The following KIAA1614 variants were observed in gnomAD, a reference collection of about 807,000 sequenced individuals.
KIAA1614 encodes uncharacterized protein KIAA1614.
Under a neutral mutation model 88.7 loss-of-function variants are expected in KIAA1614, and 76 were observed. The ratio of observed to expected loss-of-function variants is 0.86; its 90% CI spans 0.71 to 1.04. The LOEUF (loss-of-function observed/expected upper bound fraction) is 1.04. Ranked by LOEUF, KIAA1614 falls within the 50% of genes least tolerant of loss-of-function variation. The pLI is 0.00. For missense variants in KIAA1614, 1,553 were observed against 1,582.5 expected (o/e 0.98, Z 0.32); for synonymous variants, 714 against 675.5 (o/e 1.06, Z -0.88).
At position 180,928,434 on chromosome 1, in the gene KIAA1614, G is replaced by T. The variant is rs374332282; in HGVS notation, c.1066G>T (p.Val356Phe). ...GGCCTGTGTGCCACGCTGCAGGACC[G>T]TTGGTCCCAACCCGGAGCCTGTGCT... The part of the protein sequence containing the change: ...SLQDSGQNRT[V>F]GPNPEPVLSP... The change falls in exon 4 of 9, where the codon GTT becomes TTT. Residue 356 changes from valine to phenylalanine, a missense_variant. Val to Phe is a conservative substitution (Grantham distance 50, BLOSUM62 -1). Coordinates refer to ENST00000367588, the MANE Select transcript of KIAA1614 (RefSeq NM_020950.2). 1.9e-6 allele frequency: 3 copies of T among 1,611,378 alleles called. No homozygotes were observed. The highest frequency in any genetic ancestry group is 2.5e-6 in the Non-Finnish European group (3 of 1,178,750).
intron 3 of KIAA1614, among the ~76,000 whole-genome samples, chr1:180,923,913 A>G (rs1013294095): frequency 3.3e-5 from 5 of 151,388 alleles, no homozygotes; most frequent in Admixed American, 1.3e-4. Flanking sequence ...ATCCTGCCCC[A>G]CTGATATACA....
intron 1 of KIAA1614, among the ~76,000 whole-genome samples, chr1:180,915,932 C>A (rs1006088496): frequency 4.6e-5 from 7 of 152,178 alleles, no homozygotes; most frequent in African/African-American, 1.7e-4. Flanking sequence ...AACCATTCCA[C>A]CGCACCCCGC....
chr1:180,916,998 A>G lies in KIAA1614; in HGVS notation c.895A>G (p.Arg299Gly). 1.9e-6 allele frequency: 3 copies of G among 1,614,044 alleles called. No homozygotes were observed. Among genetic ancestry groups the G allele is most frequent in the East Asian group, 4.5e-5 (2 of 44,878 alleles). Residue 299 changes from arginine to glycine, a missense_variant, in exon 2 of 9, where the codon AGA becomes GGA. Transcript: ENST00000367588. The stretch of plus-strand genomic sequence containing the variant: ...CTTGTCCCTGTCTGATCGGGTGGAG[A>G]GAAACCGCCTGTTGCTGCAGGAGAT... ...SVLSLSDRVE[R>G]NRLLLQEMLN...
Position 180,936,549 on chromosome 1 carries a change from C to T in KIAA1614, c.2640C>T (p.Asn880=). The change falls in exon 5 of 9, where the codon AAC becomes AAT. Residue 880 remains asparagine, a synonymous_variant. Transcript: ENST00000367588. ...CACTGCTGGCCCTGTCCACCAACAACTGCAACAACAGCGCACCTCGGGGGC... is the reference window on the plus strand; with the variant it reads ...CACTGCTGGCCCTGTCCACCAACAATTGCAACAACAGCGCACCTCGGGGGC... The part of the protein sequence containing the change: ...RHPLLALSTN[N]CNNSAPRGLQ... 1 of 1,614,066 alleles carries T rather than the reference C, an allele frequency of 6.2e-7. No individual in the cohort carries two copies. Among genetic ancestry groups the T allele is most frequent in the Admixed American group, 1.7e-5 (1 of 60,016 alleles).
chr1:180,926,963 G>A (rs1654083487), intron 3 of KIAA1614, among the ~76,000 whole-genome samples: 1 of 152,226 alleles, frequency 6.6e-6, no homozygotes. Context: ...CACAGGCACA[G>A]ATGGTGCCTT....
chr1:180,940,554 G>A (rs1205099636), intron 6 of KIAA1614, among the ~76,000 whole-genome samples: 1 of 152,132 alleles, frequency 6.6e-6, no homozygotes, highest in Non-Finnish European at 1.5e-5. Flanking sequence ...TCTGAGCTGA[G>A]TATTATGGCG....
chr1:180,914,161 G>C (rs895830648), intron 1 of KIAA1614: 3 of 151,900 alleles, frequency 2.0e-5, no homozygotes, highest in Admixed American at 2.0e-4. Context: ...CTTCAAGGGG[G>C]GGGGGACATC....
At position 180,917,871 on chromosome 1, in the gene KIAA1614, G is replaced by A. The variant is rs778528622; in HGVS notation, c.1018G>A (p.Asp340Asn). ...CCTAGAGCGACCAGTGGGGGATGTG[G>A]ACTGGGCCTCGGGCACCTCCTTGCA... ...AAPERPVGDVDWASGTSLQDS... is the reference protein window; with the variant it reads ...AAPERPVGDVNWASGTSLQDS... The change falls in exon 3 of 9, where the codon GAC becomes AAC. Residue 340 changes from aspartate (D) to asparagine (N), a missense_variant. Coordinates refer to ENST00000367588, the MANE Select transcript of KIAA1614 (RefSeq NM_020950.2). The A allele has an allele frequency of 7.4e-6, 12 of 1,613,992 alleles. No individual in the cohort carries two copies. Among genetic ancestry groups the A allele is most frequent in the South Asian group, 6.6e-5 (6 of 91,068 alleles).
intron 3 of KIAA1614, among the ~76,000 whole-genome samples, chr1:180,923,562 C>T (rs908562832): frequency 2.0e-5 from 3 of 152,214 alleles, no homozygotes; most frequent in Admixed American, 6.5e-5. Flanking sequence ...TGCCCTGCAC[C>T]GGCTGCAGCC....
At chr1:180,914,154 CA>C (rs111918018) in intron 1 of KIAA1614, 14 of 107,888 alleles carry the variant, frequency 1.3e-4, no homozygotes, top group East Asian at 4.5e-4. Context: ...AAGTTTACTT[CA>C]AGGGGGGGGG....
intron 6 of KIAA1614, 39 bp from the exon 7 acceptor site, chr1:180,941,006 G>GGGCGCCCC: frequency 2.2e-6 from 2 of 908,444 alleles, no homozygotes; most frequent in Non-Finnish European, 3.1e-6. Context: ...CACCCTCCCG[G>GGGCGCCCC]CCCTCCCCCG....
intron 3 of KIAA1614, among the ~76,000 whole-genome samples, chr1:180,926,474 G>A (rs1444561374): frequency 3.2e-5 from 4 of 126,894 alleles, no homozygotes; most frequent in Admixed American, 7.9e-5. Flanking sequence ...CAGCTGATGA[G>A]AAAAAAAAAA....
intron 8 of KIAA1614, 76 bp downstream of exon 8, chr1:180,944,592 C>G (rs1264795352): frequency 6.6e-7 from 1 of 1,507,956 alleles, no homozygotes; most frequent in African/African-American, 1.4e-5. Flanking sequence ...CTCCTTCCTG[C>G]CTCAGCATCA....
chr1:180,944,441 C>G lies in KIAA1614; in HGVS notation c.3212C>G (p.Ser1071Cys). ...RKAASFQNLH[S>C]LLSSKGNRSS... Reference sequence around the variant, plus strand: ...GCTGCCTCTTTTCAGAACCTCCATTCTCTGCTGAGCAGCAAGGGGAACCGG... The same window carrying G: ...GCTGCCTCTTTTCAGAACCTCCATTGTCTGCTGAGCAGCAAGGGGAACCGG... Residue 1071 changes from serine to cysteine, a missense_variant, in exon 8 of 9, where the codon TCT becomes TGT. Coordinates refer to ENST00000367588, the MANE Select transcript of KIAA1614 (RefSeq NM_020950.2). The G allele has an allele frequency of 1.9e-6, 3 of 1,614,016 alleles. No individual in the cohort carries two copies. Among genetic ancestry groups the G allele is most frequent in the Non-Finnish European group, 2.5e-6 (3 of 1,179,890 alleles).
At position 180,945,359 on chromosome 1, in the gene KIAA1614, G is replaced by A; in HGVS notation, c.3344G>A (p.Ser1115Asn). 1 of 1,597,158 alleles carries A rather than the reference G, an allele frequency of 6.3e-7. No individual in the cohort carries two copies. The highest frequency in any genetic ancestry group is 8.5e-7 in the Non-Finnish European group (1 of 1,175,350). ...ALSVEDVGAP[S>N]LARTVGRLVE... ...AGTGTGGAGGACGTGGGTGCTCCCAGCCTGGCTCGCACCGTGGGCCGCCTG... is the reference window on the plus strand; with the variant it reads ...AGTGTGGAGGACGTGGGTGCTCCCAACCTGGCTCGCACCGTGGGCCGCCTG... The change falls in exon 9 of 9, where the codon AGC becomes AAC. Residue 1115 changes from serine (S) to asparagine (N), a missense_variant. Physicochemically the swap from Ser to Asn is conservative, Grantham distance 46. Transcript: ENST00000367588.
rs761750753 is a variant in KIAA1614, at chr1:180,916,658, G to A, written c.555G>A (p.Pro185=). The A allele has an allele frequency of 3.7e-6, 6 of 1,600,490 alleles. No homozygotes were observed. The highest frequency in any genetic ancestry group is 3.4e-5 in the South Asian group (3 of 89,330). The change falls in exon 2 of 9, where the codon CCG becomes CCA. Residue 185 remains proline (P), a synonymous_variant. Transcript: ENST00000367588. ...GTGAGTACTGCAACAGGGGGAGCCC[G>A]TGGCCTCCAGAAGCCGAATGGACAC... ...PGREYCNRGS[P]WPPEAEWTLP...
At chr1:180,917,167 G>A in intron 2 of KIAA1614, 67 bp downstream of exon 2, 4 of 1,286,854 alleles carry the variant, frequency 3.1e-6, no homozygotes, top group African/African-American at 2.9e-5. Flanking sequence ...AGGAAAAGGG[G>A]ACGAGGGGGT....
intron 3 of KIAA1614, among the ~76,000 whole-genome samples, chr1:180,924,886 A>AAATAATAATAATAATAATAAT (rs10522338): frequency 0.28 from 39,922 of 142,346 alleles, 6,357 homozygotes; most frequent in East Asian, 0.49. Flanking sequence ...GCTAATGATA[A>AAATAATAATAATAATAATAAT]AATAATAATA....
chr1:180,933,696 G>A (rs1023073356), intron 4 of KIAA1614, among the ~76,000 whole-genome samples: 9 of 152,160 alleles, frequency 5.9e-5, no homozygotes, highest in African/African-American at 2.2e-4. Context: ...CCGGAACTGA[G>A]CAGGACTTGA....
Sources: gnomAD v4.1 joint callset for allele counts (sites outside exome capture counted in the v4.1 genomes callset) on GRCh38, gnomAD v4.1.1 for gene constraint, MANE v1.5 for transcripts, NCBI Gene and HGNC (gene_info 2026-07-23, HGNC 2026-07-21) for gene names.